Variants in JAKMIP3 observed in about 807,000 individuals in gnomAD.
JAKMIP3 encodes the protein janus kinase and microtubule-interacting protein 3.
A neutral mutation model predicts 118.5 loss-of-function variants in JAKMIP3; 58 were observed. That is an observed-to-expected ratio of 0.49 (90% CI 0.40 to 0.61). The LOEUF (loss-of-function observed/expected upper bound fraction) is 0.61. Ranked by LOEUF, JAKMIP3 falls within the 20% of genes least tolerant of loss-of-function variation. The pLI is 0.00. For synonymous variants in JAKMIP3, 486 were observed against 451.2 expected, an observed-to-expected ratio of 1.08 and a Z score of -0.98; for missense variants, 950 against 1,109.0, an observed-to-expected ratio of 0.86 and a Z score of 2.04.
chr10:132,081,641 C>T (rs573474654), intron 1 of JAKMIP3, among the ~76,000 whole-genome samples: 2 of 152,268 alleles, frequency 1.3e-5, no homozygotes, highest in East Asian at 1.9e-4. Context: ...TTCATCGTCA[C>T]GGTTGCCTCC....
At chr10:132,167,618 G>A (rs1430209082) in intron 22 of JAKMIP3, among the ~76,000 whole-genome samples, 1 of 152,178 alleles carries the variant, frequency 6.6e-6, no homozygotes, top group East Asian at 1.9e-4. Flanking sequence ...TGGAGGAGGG[G>A]CAAGTAGGAC....
chr10:132,053,821 T>G (rs528107204), intron 1 of JAKMIP3, among the ~76,000 whole-genome samples: 1 of 151,708 alleles, frequency 6.6e-6, no homozygotes, highest in Non-Finnish European at 1.5e-5. Flanking sequence ...GATCACGAGG[T>G]CAGGAGATCG....
intron 1 of JAKMIP3, among the ~76,000 whole-genome samples, chr10:132,043,394 A>G (rs1047048450): frequency 2.6e-5 from 4 of 151,722 alleles, no homozygotes; most frequent in Admixed American, 2.0e-4. Context: ...GTGTGTGTGT[A>G]TGTTTGTGTT....
At position 132,168,430 on chromosome 10, in the gene JAKMIP3, G is replaced by A. The variant is rs1476738602; in HGVS notation, c.*500G>A. 7 of 1,285,302 alleles carry A rather than the reference G, an allele frequency of 5.4e-6. No homozygotes were observed. In the African/African-American group the frequency reaches 7.6e-5, roughly 14 times the overall value. The allele number at this position is 1,285,302 out of a possible 1,614,324, so 79.6% of individuals were successfully genotyped here. On this transcript the variant is annotated 3_prime_UTR_variant, in exon 23 of 24. Transcript: ENST00000684848. ...AAGCTGGACGGTGACCTTCATTCAG[G>A]GGAACCTGGAGGCTCCCTGGGATGG...
intron 1 of JAKMIP3, among the ~76,000 whole-genome samples, chr10:132,055,684 C>T (rs921009672): frequency 1.3e-5 from 2 of 152,246 alleles, no homozygotes; most frequent in East Asian, 1.9e-4. Context: ...CTTTTTATCC[C>T]GACATCTTAA....
intron 1 of JAKMIP3, among the ~76,000 whole-genome samples, chr10:132,080,502 G>GTT (rs2041591911): frequency 1.1e-5 from 1 of 95,144 alleles, no homozygotes; most frequent in Non-Finnish European, 2.0e-5. Flanking sequence ...CAAGTTATAG[G>GTT]ATTTTTTTTT....
chr10:132,148,035 G>A lies in JAKMIP3; in HGVS notation c.1833G>A (p.Arg611=). 1 of 1,608,658 alleles carries A rather than the reference G, an allele frequency of 6.2e-7. No individual in the cohort carries two copies. Residue 611 remains arginine, a synonymous_variant, in exon 14 of 24, where the codon AGG becomes AGA. Transcript: ENST00000684848. ...ACCAAAACGAGCTGCTGGAGTTCAG[G>A]ATCCTGGAGCTTGAGGTAGCTGAGT... The part of the protein sequence containing the change: ...ARDQNELLEF[R]ILELEERERK...
chr10:132,094,169 C>CT (rs899501119), intron 1 of JAKMIP3, among the ~76,000 whole-genome samples: 2 of 151,876 alleles, frequency 1.3e-5, no homozygotes, highest in African/African-American at 4.8e-5. Flanking sequence ...ACTTGTATCA[C>CT]TTTTTTTTAT....
chr10:132,103,551 G>T (rs2045434302), intron 1 of JAKMIP3, among the ~76,000 whole-genome samples: 1 of 151,772 alleles, frequency 6.6e-6, no homozygotes, highest in South Asian at 2.1e-4. Context: ...TAGGGGAGGT[G>T]CCTGGCAGCA....
intron 19 of JAKMIP3, among the ~76,000 whole-genome samples, chr10:132,159,360 G>A (rs1281247278): frequency 8.1e-5 from 8 of 98,414 alleles, no homozygotes; most frequent in East Asian, 2.9e-4. Context: ...GCCTCTCCCT[G>A]TGTGATGCTG....
At chr10:132,087,380 A>G (rs1332108016) in intron 1 of JAKMIP3, among the ~76,000 whole-genome samples, 4 of 152,050 alleles carry the variant, frequency 2.6e-5, no homozygotes, top group African/African-American at 9.7e-5. Context: ...GTGTTCTTTG[A>G]GCTTCTTGTA....
chr10:132,166,901 G>T, intron 21 of JAKMIP3, 82 bp from the exon 22 acceptor site: 1 of 949,950 alleles, frequency 1.1e-6, no homozygotes, highest in South Asian at 1.5e-5. Flanking sequence ...CTGTAATCGC[G>T]TGTATTTCTT....
chr10:132,087,475 C>A (rs546406806), intron 1 of JAKMIP3, among the ~76,000 whole-genome samples: 5 of 152,036 alleles, frequency 3.3e-5, no homozygotes, highest in Non-Finnish European at 7.4e-5. Flanking sequence ...TTAGATTTCT[C>A]TTCTTCAAAA....
At chr10:132,086,855 A>G (rs902940265) in intron 1 of JAKMIP3, among the ~76,000 whole-genome samples, 6 of 152,204 alleles carry the variant, frequency 3.9e-5, no homozygotes, top group South Asian at 2.1e-4. Flanking sequence ...GGCCATTTAC[A>G]TTCAACATTA....
chr10:132,080,000 A>G (rs1277345723), intron 1 of JAKMIP3, among the ~76,000 whole-genome samples: 1 of 152,232 alleles, frequency 6.6e-6, no homozygotes. Context: ...TGTGTCTTCC[A>G]GACCCCGCTT....
At position 132,183,137 on chromosome 10, in the gene JAKMIP3, A is replaced by G. The variant is rs1336094912; in HGVS notation, c.*1884A>G. ...TCTTGGCACATTTATTATACTCACAACTGAATGGCACACAATAGCCTTGTG... is the reference window on the plus strand; with the variant it reads ...TCTTGGCACATTTATTATACTCACAGCTGAATGGCACACAATAGCCTTGTG... On this transcript the variant is annotated 3_prime_UTR_variant, in exon 24 of 24. Transcript: ENST00000684848. 3 of 152,156 alleles carry G rather than the reference A, an allele frequency of 2.0e-5. No homozygotes were observed. Among genetic ancestry groups the G allele is most frequent in the East Asian group, 3.9e-4 (2 of 5,194 alleles). The allele number at this position is 152,156 out of a possible 1,614,324, so 9.4% of individuals were successfully genotyped here.
intron 3 of JAKMIP3, among the ~76,000 whole-genome samples, chr10:132,123,101 A>C (rs1430974811): frequency 6.6e-6 from 1 of 152,164 alleles, no homozygotes; most frequent in Non-Finnish European, 1.5e-5. Context: ...TTCTTGGCCA[A>C]ATTTCTGCTA....
chr10:132,080,551 T>C (rs536691071), intron 1 of JAKMIP3, among the ~76,000 whole-genome samples: 2 of 126,392 alleles, frequency 1.6e-5, no homozygotes, highest in East Asian at 5.2e-4. Flanking sequence ...AGATGGAGTC[T>C]CTCTCTGTCA....
intron 1 of JAKMIP3, among the ~76,000 whole-genome samples, chr10:132,042,950 G>A (rs1213583089): frequency 1.3e-5 from 2 of 148,456 alleles, no homozygotes; most frequent in Admixed American, 1.3e-4. Flanking sequence ...AAAAATTAGC[G>A]AGTTATGGTG....
Sources: gnomAD v4.1 joint callset for allele counts (sites outside exome capture counted in the v4.1 genomes callset) on GRCh38, gnomAD v4.1.1 for gene constraint, MANE v1.5 for transcripts, NCBI Gene and HGNC (gene_info 2026-07-23, HGNC 2026-07-21) for gene names.